The following ATRNL1 variants were observed in gnomAD, a reference collection of about 807,000 sequenced individuals.
ATRNL1 encodes the protein attractin like 1.
A neutral mutation model predicts 182.7 loss-of-function variants in ATRNL1; 95 were observed. That is an observed-to-expected ratio of 0.52 (90% CI 0.44 to 0.62). The LOEUF is 0.62. Among genes scored for constraint, ATRNL1 ranks in the 20% least tolerant of loss-of-function variants. The pLI is 0.00. For synonymous variants in ATRNL1, 576 were observed against 568.3 expected, an observed-to-expected ratio of 1.01 and a Z score of -0.19; for missense variants, 1,471 against 1,679.5, an observed-to-expected ratio of 0.88 and a Z score of 2.17.
At chr10:115,628,715 A>G (rs1205049536) in intron 26 of ATRNL1, among the ~76,000 whole-genome samples, 4 of 152,162 alleles carry the variant, frequency 2.6e-5, no homozygotes, top group Admixed American at 6.5e-5. Context: ...AGCTCTTATA[A>G]TTAGGTATTT....
At chr10:115,385,454 C>T (rs955372600) in intron 19 of ATRNL1, among the ~76,000 whole-genome samples, 27 of 152,058 alleles carry the variant, frequency 1.8e-4, no homozygotes, top group Non-Finnish European at 4.4e-5. Flanking sequence ...TATAATATTT[C>T]ACATAGAAGA....
chr10:115,414,306 C>T (rs1845284769), intron 20 of ATRNL1, among the ~76,000 whole-genome samples: 1 of 151,176 alleles, frequency 6.6e-6, no homozygotes, highest in Non-Finnish European at 1.5e-5. Flanking sequence ...TTGAACCTTC[C>T]TTCCCTCCCT....
intron 7 of ATRNL1, among the ~76,000 whole-genome samples, chr10:115,167,566 G>C (rs1324982054): frequency 6.6e-6 from 1 of 151,936 alleles, no homozygotes; most frequent in African/African-American, 2.4e-5. Context: ...AAAATTTCAT[G>C]TATTTTGTGG....
At chr10:115,136,124 G>T (rs1254432421) in intron 5 of ATRNL1, among the ~76,000 whole-genome samples, 1 of 151,790 alleles carries the variant, frequency 6.6e-6, no homozygotes, top group Non-Finnish European at 1.5e-5. Flanking sequence ...TTGGCCTTTA[G>T]AGTAGCTGGG....
At chr10:115,866,835 G>T (rs574500552) in intron 28 of ATRNL1, among the ~76,000 whole-genome samples, 1 of 152,110 alleles carries the variant, frequency 6.6e-6, no homozygotes, top group Non-Finnish European at 1.5e-5. Flanking sequence ...TTTTGTCCCA[G>T]AGCACTTCAG....
chr10:115,609,008 C>T (rs1555018274), intron 26 of ATRNL1, among the ~76,000 whole-genome samples: 1 of 151,710 alleles, frequency 6.6e-6, no homozygotes, highest in Non-Finnish European at 1.5e-5. Flanking sequence ...AAATAATATA[C>T]TTGTATTATT....
intron 26 of ATRNL1, among the ~76,000 whole-genome samples, chr10:115,569,750 C>T (rs1386640029): frequency 1.3e-5 from 2 of 148,152 alleles, no homozygotes; most frequent in African/African-American, 2.5e-5. Context: ...TATTTTTTCT[C>T]TGTTTACCAT....
intron 27 of ATRNL1, among the ~76,000 whole-genome samples, chr10:115,804,598 TAAAC>T (rs1949875736): frequency 6.6e-6 from 1 of 152,124 alleles, no homozygotes; most frequent in African/African-American, 2.4e-5. Context: ...CTGTGAAAAA[TAAAC>T]GTTTGTTGTT....
At chr10:115,540,128 T>TA (rs1852265674) in intron 25 of ATRNL1, among the ~76,000 whole-genome samples, 1 of 91,138 alleles carries the variant, frequency 1.1e-5, no homozygotes, top group Non-Finnish European at 3.2e-5. Context: ...TAAAGTATAA[T>TA]AATAATAAAT....
intron 3 of ATRNL1, among the ~76,000 whole-genome samples, chr10:115,126,180 C>T (rs1320263841): frequency 2.0e-5 from 3 of 152,200 alleles, no homozygotes; most frequent in African/African-American, 7.2e-5. Flanking sequence ...GCCTCAGCCT[C>T]CCGAGTAGCT....
intron 27 of ATRNL1, among the ~76,000 whole-genome samples, chr10:115,804,774 T>C (rs1049403808): frequency 1.1e-4 from 17 of 152,094 alleles, no homozygotes; most frequent in Non-Finnish European, 2.4e-4. Flanking sequence ...CCTCTATACC[T>C]CTCCCAAGTA....
chr10:115,767,086 T>G (rs1000905315), intron 27 of ATRNL1, among the ~76,000 whole-genome samples: 5 of 152,206 alleles, frequency 3.3e-5, no homozygotes, highest in Non-Finnish European at 7.3e-5. Context: ...CGCTGCTTTA[T>G]CTCATGACTC....
intron 6 of ATRNL1, among the ~76,000 whole-genome samples, 167 bp from the exon 7 acceptor site, chr10:115,165,391 T>C (rs1290594124): frequency 6.6e-6 from 1 of 152,030 alleles, no homozygotes; most frequent in Non-Finnish European, 1.5e-5. Context: ...CTTGAATGAG[T>C]CTTTATTAGA....
At chr10:115,363,593 C>T (rs563759583) in intron 19 of ATRNL1, among the ~76,000 whole-genome samples, 1,876 of 149,460 alleles carry the variant, frequency 0.013, 33 homozygotes, top group African/African-American at 0.043. Flanking sequence ...AGTCCTTGCC[C>T]ATGCCTATGT....
At chr10:115,351,637 GATGA>G (rs760919159) in intron 19 of ATRNL1, among the ~76,000 whole-genome samples, 57 of 152,098 alleles carry the variant, frequency 3.7e-4, no homozygotes, top group Non-Finnish European at 6.9e-4. Context: ...ACTTCATTAC[GATGA>G]ATGATCTTTT....
chr10:115,438,020 C>T (rs1846486012), intron 21 of ATRNL1, among the ~76,000 whole-genome samples: 1 of 151,892 alleles, frequency 6.6e-6, no homozygotes. Context: ...ATAGATGATG[C>T]TAAATTAAAA....
At chr10:115,499,682 A>G (rs942572758) in intron 24 of ATRNL1, among the ~76,000 whole-genome samples, 2 of 152,224 alleles carry the variant, frequency 1.3e-5, no homozygotes, top group Non-Finnish European at 2.9e-5. Flanking sequence ...TTATAGGCAG[A>G]TAAGAGACAA....
At chr10:115,434,513 T>C (rs1046650913) in intron 21 of ATRNL1, among the ~76,000 whole-genome samples, 4 of 152,088 alleles carry the variant, frequency 2.6e-5, no homozygotes, top group Admixed American at 1.3e-4. Flanking sequence ...TGGAAATCAG[T>C]GGTATATGTA....
At chr10:115,722,225 G>A (rs1947449756) in intron 26 of ATRNL1, among the ~76,000 whole-genome samples, 1 of 151,392 alleles carries the variant, frequency 6.6e-6, no homozygotes, top group South Asian at 2.1e-4. Flanking sequence ...GTCAAACACA[G>A]CATATTGCCG....
Sources: gnomAD v4.1 joint callset for allele counts (sites outside exome capture counted in the v4.1 genomes callset) on GRCh38, gnomAD v4.1.1 for gene constraint, MANE v1.5 for transcripts, NCBI Gene and HGNC (gene_info 2026-07-23, HGNC 2026-07-21) for gene names.